Variants in PTPRD observed in about 807,000 individuals in gnomAD.
PTPRD encodes receptor-type tyrosine-protein phosphatase delta.
Under a neutral mutation model 214.5 loss-of-function variants are expected in PTPRD, and 34 were observed. That is an observed-to-expected ratio of 0.16 (90% CI 0.12 to 0.21). The LOEUF is 0.21. Among genes scored for constraint, PTPRD ranks in the 10% least tolerant of loss-of-function variants. PTPRD has a pLI of 1.00. For synonymous variants in PTPRD, 1,128 were observed against 845.7 expected, an observed-to-expected ratio of 1.33 and a Z score of -5.79; for missense variants, 2,545 against 2,398.7, an observed-to-expected ratio of 1.06 and a Z score of -1.27.
chr9:10,372,801 T>C (rs1043436046), intron 2 of PTPRD, among the ~76,000 whole-genome samples: 1 of 149,766 alleles, frequency 6.7e-6, no homozygotes, highest in African/African-American at 2.5e-5. Context: ...GGCCTAAAGG[T>C]AGAACCAAAA....
intron 34 of PTPRD, among the ~76,000 whole-genome samples, chr9:8,447,031 G>A (rs576345080): frequency 2.6e-5 from 4 of 152,224 alleles, no homozygotes; most frequent in Non-Finnish European, 5.9e-5. Context: ...TGGTAAAAAT[G>A]TTCCAGACAG....
chr9:8,887,675 G>T (rs2098503085), intron 11 of PTPRD, among the ~76,000 whole-genome samples: 1 of 152,088 alleles, frequency 6.6e-6, no homozygotes, highest in South Asian at 2.1e-4. Context: ...TAGTTACAAA[G>T]AGATGAGATT....
At chr9:8,389,486 G>T in intron 36 of PTPRD, 79 bp from the exon 37 acceptor site, 1 of 1,076,136 alleles carries the variant, frequency 9.3e-7, no homozygotes, top group Non-Finnish European at 1.3e-6. Context: ...TAATGGCAGT[G>T]CTATCTTACT....
intron 11 of PTPRD, among the ~76,000 whole-genome samples, chr9:8,948,507 A>ATATATATATTTT (rs1567183582): frequency 7.3e-5 from 1 of 13,620 alleles, no homozygotes; most frequent in African/African-American, 2.1e-4. Context: ...ATATATATTT[A>ATATATATATTTT]TATATATATA....
chr9:8,932,016 T>C (rs1361945982), intron 11 of PTPRD, among the ~76,000 whole-genome samples: 7 of 152,176 alleles, frequency 4.6e-5, no homozygotes, highest in Middle Eastern at 3.2e-3. Context: ...ATATCTCCTT[T>C]ATAATTTTTT....
intron 3 of PTPRD, among the ~76,000 whole-genome samples, chr9:10,279,064 G>A (rs144740719): frequency 0.026 from 4,011 of 152,208 alleles, 69 homozygotes; most frequent in Non-Finnish European, 0.035. Context: ...CTGAGCCACC[G>A]CGCCTGGCCC....
Position 9,130,665 on chromosome 9 carries a change from G to A in PTPRD, c.-143+52639C>T, listed in dbSNP as rs892447343. On this transcript the variant is annotated intron_variant, in intron 10 of 45. Transcript: ENST00000381196. The stretch of plus-strand genomic sequence containing the variant: ...TTTTAAAGACTGAATCTCTACATAT[G>A]TATGTAATATTATTTGGTTCCTACT... Among the ~76,000 whole-genome samples the A allele has an allele frequency of 2.6e-5, 4 of 152,122 alleles. 1 individual carries two copies. The highest frequency in any genetic ancestry group is 2.6e-4 in the Admixed American group (4 of 15,274).
intron 2 of PTPRD, among the ~76,000 whole-genome samples, chr9:10,485,195 A>G (rs1430236147): frequency 1.3e-5 from 2 of 151,958 alleles, no homozygotes. Context: ...TTCTTTCTGC[A>G]TTCTCTTCTC....
At chr9:9,029,616 G>A (rs1395275021) in intron 10 of PTPRD, among the ~76,000 whole-genome samples, 1 of 151,964 alleles carries the variant, frequency 6.6e-6, no homozygotes, top group Non-Finnish European at 1.5e-5. Context: ...AAATATGCCT[G>A]AGACTGTAAA....
intron 8 of PTPRD, among the ~76,000 whole-genome samples, chr9:9,493,299 T>C (rs753547270): frequency 3.3e-5 from 5 of 152,046 alleles, no homozygotes; most frequent in Non-Finnish European, 7.4e-5. Flanking sequence ...TTAAAGCCCA[T>C]TGTGGAGAAC....
intron 10 of PTPRD, among the ~76,000 whole-genome samples, chr9:9,171,694 T>C (rs2099919338): frequency 6.6e-6 from 1 of 152,020 alleles, no homozygotes; most frequent in Non-Finnish European, 1.5e-5. Context: ...AAAAAACTAC[T>C]CTTCTATAAG....
chr9:9,551,600 G>C (rs2080261374), intron 8 of PTPRD, among the ~76,000 whole-genome samples: 2 of 151,942 alleles, frequency 1.3e-5, no homozygotes, highest in Admixed American at 6.6e-5. Context: ...TTACATTAAT[G>C]TTTGGCTCCT....
At chr9:9,956,949 GC>G (rs926258909) in intron 4 of PTPRD, among the ~76,000 whole-genome samples, 2 of 152,066 alleles carry the variant, frequency 1.3e-5, no homozygotes, top group African/African-American at 4.8e-5. Context: ...ATAGGTGGTA[GC>G]AAAAAAAATC....
chr9:9,291,547 G>T (rs894109847), intron 9 of PTPRD, among the ~76,000 whole-genome samples: 4 of 151,146 alleles, frequency 2.6e-5, no homozygotes, highest in African/African-American at 7.3e-5. Context: ...TTTTTTGAAA[G>T]ACCTGATTTT....
intron 2 of PTPRD, among the ~76,000 whole-genome samples, chr9:10,603,539 A>G (rs1434729702): frequency 6.6e-6 from 1 of 151,900 alleles, no homozygotes; most frequent in Non-Finnish European, 1.5e-5. Flanking sequence ...CTGGGAAAAT[A>G]CGTTATTAAC....
intron 11 of PTPRD, among the ~76,000 whole-genome samples, chr9:8,973,648 TC>T (rs1416700862): frequency 6.6e-6 from 1 of 152,136 alleles, no homozygotes; most frequent in Non-Finnish European, 1.5e-5. Context: ...CAAAATGCTT[TC>T]TACAGTGGCT....
chr9:9,774,847 T>C (rs1251404931), intron 5 of PTPRD, among the ~76,000 whole-genome samples: 1 of 152,250 alleles, frequency 6.6e-6, no homozygotes, highest in Non-Finnish European at 1.5e-5. Flanking sequence ...TTAATCGTTA[T>C]ATTCTTTTGC....
chr9:8,671,850 A>G (rs1284077427), intron 12 of PTPRD, among the ~76,000 whole-genome samples: 23 of 152,196 alleles, frequency 1.5e-4, no homozygotes. Context: ...TATACTTTGC[A>G]CTATTTGTCC....
intron 9 of PTPRD, among the ~76,000 whole-genome samples, chr9:9,232,758 T>G (rs953610961): frequency 6.6e-6 from 1 of 152,126 alleles, no homozygotes. Context: ...ACATGTTTAG[T>G]ACTTTGAACT....
Sources: gnomAD v4.1 joint callset for allele counts (sites outside exome capture counted in the v4.1 genomes callset) on GRCh38, gnomAD v4.1.1 for gene constraint, MANE v1.5 for transcripts, NCBI Gene and HGNC (gene_info 2026-07-23, HGNC 2026-07-21) for gene names.